Variants in MDGA2 observed in about 807,000 individuals in gnomAD.
The protein encoded by MDGA2 is MAM domain-containing glycosylphosphatidylinositol anchor protein 2.
In MDGA2, 40 loss-of-function variants were observed where a neutral mutation model predicts 117.8. The ratio of observed to expected loss-of-function variants is 0.34; its 90% CI spans 0.26 to 0.44. The LOEUF is 0.44. Ranked by LOEUF, MDGA2 falls within the 20% of genes least tolerant of loss-of-function variation. The probability of loss-of-function intolerance (pLI) is 1.00; values close to 1 mark genes in which losing one functional copy is unlikely to be tolerated. For synonymous variants in MDGA2, 452 were observed against 439.0 expected (o/e 1.03, Z -0.37); for missense variants, 1,123 against 1,250.6 (o/e 0.90, Z 1.54).
chr14:47,104,294 A>G (rs1880512186), intron 5 of MDGA2, among the ~76,000 whole-genome samples: 1 of 151,488 alleles, frequency 6.6e-6, no homozygotes, highest in Non-Finnish European at 1.5e-5. Flanking sequence ...AAAACAAGTG[A>G]ATATGCCTTG....
intron 1 of MDGA2, among the ~76,000 whole-genome samples, chr14:47,552,683 G>C (rs1235137544): frequency 6.6e-6 from 1 of 151,932 alleles, no homozygotes; most frequent in Non-Finnish European, 1.5e-5. Flanking sequence ...AAGAGAAAAA[G>C]TCAGATCATG....
At chr14:47,161,263 T>C (rs1399835660) in intron 3 of MDGA2, among the ~76,000 whole-genome samples, 1 of 152,108 alleles carries the variant, frequency 6.6e-6, no homozygotes, top group Non-Finnish European at 1.5e-5. Context: ...TACGGCATTT[T>C]GAGCTGATTT....
In MDGA2 at chr14:47,328,340, A is replaced by G. The variant is rs549685712; in HGVS notation, c.281-26790T>C. ...ATCCTATATTTCTACTAACTCAGGG[A>G]AACTTTAATGATCAGCTGGAGCAAG... is the stretch of plus-strand genomic sequence containing the variant. On this transcript the variant is annotated intron_variant, in intron 1 of 16. Transcript: ENST00000399232. Among the ~76,000 whole-genome samples the G allele has an allele frequency of 1.4e-4, 21 of 152,270 alleles. No homozygotes were observed. In the South Asian group the frequency reaches 4.1e-3, roughly 30 times the overall value.
chr14:47,666,897 G>A (rs771539676), intron 1 of MDGA2, among the ~76,000 whole-genome samples: 76 of 151,852 alleles, frequency 5.0e-4, no homozygotes, highest in Non-Finnish European at 4.9e-4. Flanking sequence ...CAGACATACC[G>A]CCTTAAGAGC....
intron 1 of MDGA2, among the ~76,000 whole-genome samples, chr14:47,465,416 T>C (rs1893581034): frequency 1.3e-5 from 2 of 151,950 alleles, no homozygotes; most frequent in African/African-American, 4.8e-5. Context: ...TGAAAGAAAA[T>C]TTCTGCAATC....
intron 3 of MDGA2, among the ~76,000 whole-genome samples, chr14:47,198,945 A>C (rs1230898568): frequency 1.3e-5 from 2 of 152,174 alleles, no homozygotes. Context: ...GAACAAGCTT[A>C]AAGTTGAAAA....
At chr14:46,930,339 G>A (rs1884520465) in intron 9 of MDGA2, among the ~76,000 whole-genome samples, 1 of 152,018 alleles carries the variant, frequency 6.6e-6, no homozygotes, top group South Asian at 2.1e-4. Flanking sequence ...GATGTCATCA[G>A]CATATTTTTT....
At chr14:47,242,606 G>C (rs1333956218) in intron 2 of MDGA2, among the ~76,000 whole-genome samples, 1 of 151,846 alleles carries the variant, frequency 6.6e-6, no homozygotes, top group Non-Finnish European at 1.5e-5. Flanking sequence ...TGCGGAGGGT[G>C]TACTGAGTCC....
At chr14:46,960,947 T>TAC (rs539775019) in intron 8 of MDGA2, among the ~76,000 whole-genome samples, 10,337 of 136,952 alleles carry the variant, frequency 0.075, 961 homozygotes, top group African/African-American at 0.24. Flanking sequence ...CGTATATATA[T>TAC]ATACACACAC....
chr14:47,362,029 C>T (rs112521511), intron 1 of MDGA2, among the ~76,000 whole-genome samples: 2 of 152,048 alleles, frequency 1.3e-5, no homozygotes, highest in African/African-American at 4.8e-5. Flanking sequence ...AGTTTGTAAC[C>T]TCCAATGAGA....
At chr14:47,032,779 T>C (rs907729180) in intron 8 of MDGA2, among the ~76,000 whole-genome samples, 3 of 152,208 alleles carry the variant, frequency 2.0e-5, no homozygotes, top group Admixed American at 1.3e-4. Flanking sequence ...TACCAGTTAT[T>C]TGTACCTGAA....
At chr14:47,310,126 G>T (rs2416041) in intron 1 of MDGA2, among the ~76,000 whole-genome samples, 145,467 of 152,258 alleles carry the variant, frequency 0.96, 69,512 homozygotes, top group East Asian at 1. Context: ...TTTACACATT[G>T]GCAGCTTCAG....
intron 1 of MDGA2, among the ~76,000 whole-genome samples, chr14:47,494,820 C>G (rs573501717): frequency 4.6e-5 from 7 of 150,778 alleles, no homozygotes; most frequent in Non-Finnish European, 1.0e-4. Context: ...TGTCAAAGAT[C>G]AGTTGGCTGT....
Position 46,911,109 on chromosome 14 carries a change from C to T in MDGA2, c.2238+8903G>A, listed in dbSNP as rs569920959. ...CAAACCCCCATGAAACAAGTTTACC[C>T]ATATAACAAACTTGTGCATGGACAC... On this transcript the variant is annotated intron_variant, in intron 10 of 16. Transcript: ENST00000399232. 8.5e-5 allele frequency among the ~76,000 whole-genome samples: 13 copies of T among 152,102 alleles called. No homozygotes were observed. The South Asian group carries it at 2.5e-3, about 29-fold the overall frequency.
chr14:46,885,375 G>A (rs2138401084), intron 10 of MDGA2, among the ~76,000 whole-genome samples: 1 of 152,162 alleles, frequency 6.6e-6, no homozygotes, highest in African/African-American at 2.4e-5. Context: ...AACTCATTTT[G>A]ATAACAAGGA....
rs376948607 is a variant in MDGA2 at position 46,885,563 on chromosome 14, A to G, written c.2239-3342T>C. Among the ~76,000 whole-genome samples the G allele has an allele frequency of 5.9e-5, 9 of 152,166 alleles. No individual in the cohort carries two copies. In the East Asian group the frequency reaches 1.7e-3, roughly 29 times the overall value. ...GGCAGAAACTTTTTAAAGATTAACT[A>G]TTAGGGCTTTGTATAGATGTAAAAC... On this transcript the variant is annotated intron_variant, in intron 10 of 16. Transcript: ENST00000399232.
intron 9 of MDGA2, among the ~76,000 whole-genome samples, chr14:46,946,054 T>C (rs1885162181): frequency 6.6e-6 from 1 of 152,062 alleles, no homozygotes; most frequent in Admixed American, 6.6e-5. Context: ...ACAAATAATA[T>C]GCTATAACAC....
At chr14:46,901,280 A>C (rs1883276347) in intron 10 of MDGA2, among the ~76,000 whole-genome samples, 1 of 152,158 alleles carries the variant, frequency 6.6e-6, no homozygotes, top group Non-Finnish European at 1.5e-5. Flanking sequence ...ACATGTATAC[A>C]TATGTAACAA....
At chr14:47,100,118 T>A (rs1880218414) in intron 5 of MDGA2, among the ~76,000 whole-genome samples, 1 of 152,158 alleles carries the variant, frequency 6.6e-6, no homozygotes, top group South Asian at 2.1e-4. Flanking sequence ...TTTAAATACA[T>A]CTCTACATTT....
Sources: gnomAD v4.1 joint callset for allele counts (sites outside exome capture counted in the v4.1 genomes callset) on GRCh38, gnomAD v4.1.1 for gene constraint, MANE v1.5 for transcripts, NCBI Gene and HGNC (gene_info 2026-07-23, HGNC 2026-07-21) for gene names.